Variants in DHRS7B observed in about 807,000 individuals in gnomAD.
DHRS7B encodes the protein dehydrogenase/reductase 7B, also known as peroxisomal reductase activating PPAR-gamma.
A neutral mutation model predicts 26.4 loss-of-function variants in DHRS7B; 24 were observed. The observed-to-expected ratio is 0.91, with a 90% CI of 0.66 to 1.28. The LOEUF (loss-of-function observed/expected upper bound fraction) is 1.28. Among genes scored for constraint, DHRS7B ranks in the 50% most tolerant of loss-of-function variants. The pLI, the probability that DHRS7B is intolerant of heterozygous loss-of-function variation, is 0.00. For missense variants in DHRS7B, 368 were observed against 419.4 expected, an observed-to-expected ratio of 0.88 and a Z score of 1.07; for synonymous variants, 142 against 166.4, an observed-to-expected ratio of 0.85 and a Z score of 1.13.
chr17:21,174,590 C>G (rs541877133), intron 2 of DHRS7B, among the ~76,000 whole-genome samples: 1 of 152,322 alleles, frequency 6.6e-6, no homozygotes, highest in East Asian at 1.9e-4. Context: ...CCTACACAAA[C>G]TTTCATTTCC....
At chr17:21,149,465 C>T (rs956751952) in intron 1 of DHRS7B, among the ~76,000 whole-genome samples, 1 of 152,148 alleles carries the variant, frequency 6.6e-6, no homozygotes, top group African/African-American at 2.4e-5. Flanking sequence ...CCAGAATACT[C>T]TAATACTGTA....
At chr17:21,147,550 A>T (rs1012346848) in intron 1 of DHRS7B, among the ~76,000 whole-genome samples, 13 of 152,208 alleles carry the variant, frequency 8.5e-5, no homozygotes, top group Admixed American at 5.2e-4. Flanking sequence ...CTCCGAGCAG[A>T]TGGTAAGAGA....
intron 1 of DHRS7B, among the ~76,000 whole-genome samples, chr17:21,143,358 A>G (rs1390875155): frequency 6.6e-6 from 1 of 152,236 alleles, no homozygotes; most frequent in Non-Finnish European, 1.5e-5. Flanking sequence ...CACTGTGTCT[A>G]TCCAAAATTA....
At chr17:21,137,146 T>G (rs988581298) in intron 1 of DHRS7B, among the ~76,000 whole-genome samples, 23 of 151,734 alleles carry the variant, frequency 1.5e-4, no homozygotes, top group African/African-American at 5.6e-4. Context: ...AATTTGTGTA[T>G]TTTTAGTAGA....
rs1974561068 is a variant in DHRS7B at position 21,183,605 on chromosome 17, C to T, written c.321C>T (p.His107=). ...TTGTATTTGACCAGGTGCAGACACA[C>T]AAGCCTTACTTGGTGACCTTCGACC... The part of the protein sequence containing the change: ...TASHATKVQT[H]KPYLVTFDLT... The change falls in exon 4 of 7, where the codon CAC becomes CAT. Residue 107 remains histidine, a synonymous_variant. Coordinates refer to ENST00000395511, the MANE Select transcript of DHRS7B (RefSeq NM_015510.5). 4.3e-6 allele frequency: 7 copies of T among 1,612,890 alleles called. No homozygotes were observed. Among genetic ancestry groups the T allele is most frequent in the Admixed American group, 1.7e-5 (1 of 60,006 alleles).
chr17:21,128,731 GTGGTGGTGGGCGCCT>G (rs1973159298), intron 1 of DHRS7B: 1 of 151,310 alleles, frequency 6.6e-6, no homozygotes, highest in Non-Finnish European at 1.5e-5. Context: ...TTAGCCGGGC[GTGGTGGTGGGCGCCT>G]GTAATCCCAG....
At chr17:21,145,140 T>C (rs889042526) in intron 1 of DHRS7B, among the ~76,000 whole-genome samples, 4 of 151,996 alleles carry the variant, frequency 2.6e-5, no homozygotes, top group East Asian at 3.9e-4. Context: ...CTGGCTAACA[T>C]GGTGAAACCC....
At chr17:21,135,353 G>A (rs1347993439) in intron 1 of DHRS7B, among the ~76,000 whole-genome samples, 1 of 152,080 alleles carries the variant, frequency 6.6e-6, no homozygotes, top group Non-Finnish European at 1.5e-5. Flanking sequence ...TTGGACTTTA[G>A]GGAACCTCTA....
intron 1 of DHRS7B, among the ~76,000 whole-genome samples, chr17:21,157,214 A>G (rs1973901556): frequency 2.0e-5 from 3 of 152,224 alleles, no homozygotes; most frequent in African/African-American, 7.2e-5. Flanking sequence ...AACTCAACCT[A>G]TGAGACTTCC....
intron 1 of DHRS7B, among the ~76,000 whole-genome samples, chr17:21,156,011 G>A (rs1173242947): frequency 6.6e-6 from 1 of 151,982 alleles, no homozygotes; most frequent in Non-Finnish European, 1.5e-5. Flanking sequence ...TAGAAAAGAA[G>A]AAAGATCTAA....
chr17:21,156,283 A>G (rs1414305498), intron 1 of DHRS7B, among the ~76,000 whole-genome samples: 1 of 152,218 alleles, frequency 6.6e-6, no homozygotes, highest in Non-Finnish European at 1.5e-5. Flanking sequence ...AAGCAAGGAC[A>G]TCACCACAGA....
At position 21,126,977 on chromosome 17, in the gene DHRS7B, C is replaced by G; in HGVS notation, c.6C>G (p.Val2=). ...GAGGATGAAGTTGATTGACTATGGT[C>G]TCTCCGGCTACCAGGTAGGGGCTGG... The part of the protein sequence containing the change: M[V]SPATRKSLPK... Residue 2 remains valine, a synonymous_variant, in exon 1 of 7, where the codon GTC becomes GTG. Coordinates refer to ENST00000395511, the MANE Select transcript of DHRS7B (RefSeq NM_015510.5). 1 of 1,536,302 alleles carries G rather than the reference C, an allele frequency of 6.5e-7. No individual in the cohort carries two copies. Among genetic ancestry groups the G allele is most frequent in the Non-Finnish European group, 8.8e-7 (1 of 1,140,650 alleles).
chr17:21,188,581 A>G (rs1401685100), intron 5 of DHRS7B, 130 bp from the exon 6 acceptor site: 2 of 1,102,736 alleles, frequency 1.8e-6, no homozygotes, highest in Non-Finnish European at 1.3e-6. Flanking sequence ...AGCCTAAGCA[A>G]CATAGCAAGA....
At chr17:21,187,386 G>T (rs1009087764) in intron 5 of DHRS7B, among the ~76,000 whole-genome samples, 3 of 151,842 alleles carry the variant, frequency 2.0e-5, no homozygotes, top group Non-Finnish European at 2.9e-5. Context: ...AGCACTCTGG[G>T]AGGCTGAGGT....
intron 2 of DHRS7B, 30 bp downstream of exon 2, chr17:21,172,226 G>A (rs1322935359): frequency 6.3e-7 from 1 of 1,587,640 alleles, no homozygotes; most frequent in South Asian, 1.1e-5. Flanking sequence ...CTGCCAGGGG[G>A]CGGGGGTAAG....
chr17:21,159,466 A>G (rs1450243083), intron 1 of DHRS7B, among the ~76,000 whole-genome samples: 1 of 151,276 alleles, frequency 6.6e-6, no homozygotes, highest in Non-Finnish European at 1.5e-5. Flanking sequence ...TGTGTTGGTC[A>G]GGATGGTCTC....
At chr17:21,134,280 A>G (rs1300621097) in intron 1 of DHRS7B, among the ~76,000 whole-genome samples, 3 of 152,222 alleles carry the variant, frequency 2.0e-5, no homozygotes, top group African/African-American at 7.2e-5. Flanking sequence ...CAGTGCAGCA[A>G]GAATAATTTT....
chr17:21,171,446 C>T (rs1271416169), intron 1 of DHRS7B, among the ~76,000 whole-genome samples: 2 of 152,206 alleles, frequency 1.3e-5, no homozygotes, highest in Admixed American at 1.3e-4. Context: ...TGCACTGAAT[C>T]CCCTTTGGGT....
intron 1 of DHRS7B, among the ~76,000 whole-genome samples, chr17:21,139,468 G>A (rs1973440233): frequency 6.6e-6 from 1 of 152,154 alleles, no homozygotes; most frequent in Non-Finnish European, 1.5e-5. Flanking sequence ...AAGGTCAGGA[G>A]TTTGAGACCA....
Sources: gnomAD v4.1 joint callset for allele counts (sites outside exome capture counted in the v4.1 genomes callset) on GRCh38, gnomAD v4.1.1 for gene constraint, MANE v1.5 for transcripts, NCBI Gene and HGNC (gene_info 2026-07-23, HGNC 2026-07-21) for gene names.